PIP5K1B: variants seen among roughly 807,000 people sequenced by gnomAD.
PIP5K1B encodes phosphatidylinositol 4-phosphate 5-kinase type-1 beta.
PIP5K1B carries 42 observed loss-of-function variants against 67.0 expected under a neutral mutation model. The observed-to-expected ratio is 0.63, with a 90% CI of 0.49 to 0.81. The LOEUF is 0.81. Ranked by LOEUF, PIP5K1B falls within the 30% of genes least tolerant of loss-of-function variation. PIP5K1B has a pLI of 0.00. For missense variants in PIP5K1B, 459 were observed against 646.3 expected (o/e 0.71, Z 3.14); for synonymous variants, 214 against 231.4 (o/e 0.92, Z 0.68).
At chr9:68,954,317 T>C (rs1828261720) in intron 14 of PIP5K1B, among the ~76,000 whole-genome samples, 2 of 152,110 alleles carry the variant, frequency 1.3e-5, no homozygotes, top group African/African-American at 4.8e-5. Flanking sequence ...TTTATTGTAG[T>C]GTAGAGGGTT....
intron 5 of PIP5K1B, among the ~76,000 whole-genome samples, chr9:68,868,578 TG>T (rs1029106451): frequency 1.3e-5 from 2 of 152,208 alleles, no homozygotes; most frequent in Non-Finnish European, 2.9e-5. Context: ...AGCATGGGAA[TG>T]GTATTTCTGC....
intron 8 of PIP5K1B, among the ~76,000 whole-genome samples, chr9:68,913,428 T>A (rs1394112596): frequency 1.3e-5 from 2 of 152,232 alleles, no homozygotes; most frequent in Non-Finnish European, 2.9e-5. Flanking sequence ...CTCACACATG[T>A]TAAGTTGTTG....
intron 4 of PIP5K1B, among the ~76,000 whole-genome samples, chr9:68,854,001 A>G (rs1822634056): frequency 6.7e-6 from 1 of 149,718 alleles, no homozygotes; most frequent in Non-Finnish European, 1.5e-5. Context: ...GAAGAGAGAG[A>G]TGGCTACCAA....
intron 4 of PIP5K1B, among the ~76,000 whole-genome samples, chr9:68,855,686 C>T (rs922904648): frequency 6.6e-6 from 1 of 152,178 alleles, no homozygotes; most frequent in Admixed American, 6.5e-5. Context: ...CCCATCCTCT[C>T]GTTCATCACC....
At chr9:68,907,380 G>T in intron 8 of PIP5K1B, among the ~76,000 whole-genome samples, 1 of 152,190 alleles carries the variant, frequency 6.6e-6, no homozygotes, top group East Asian at 1.9e-4. Flanking sequence ...GTCATGTTGA[G>T]CCACTCTTGT....
In PIP5K1B at chr9:69,008,949, T is replaced by G. The variant is rs1414065294; in HGVS notation, c.*500T>G. 6.4e-6 allele frequency: 1 copy of G among 156,516 alleles called. No homozygotes were observed. The highest frequency in any genetic ancestry group is 1.4e-5 in the Non-Finnish European group (1 of 70,076). The allele number at this position is 156,516 out of a possible 1,614,324, so 9.7% of individuals were successfully genotyped here. On this transcript the variant is annotated 3_prime_UTR_variant, in exon 16 of 16. Coordinates refer to ENST00000265382, the MANE Select transcript of PIP5K1B (RefSeq NM_003558.4). ...CATTTAAAGATCAATATACTAGGTC[T>G]GCCTTCACTTTATAGAAAACTAGCT...
intron 14 of PIP5K1B, among the ~76,000 whole-genome samples, chr9:68,951,105 C>A (rs1009293637): frequency 6.6e-6 from 1 of 152,154 alleles, no homozygotes; most frequent in Non-Finnish European, 1.5e-5. Flanking sequence ...TAATATTAAT[C>A]TAAAATGGAA....
chr9:68,851,891 C>T (rs1362974773), intron 4 of PIP5K1B, among the ~76,000 whole-genome samples: 1 of 152,222 alleles, frequency 6.6e-6, no homozygotes, highest in Admixed American at 6.5e-5. Flanking sequence ...CTGAGCCAGG[C>T]CGTGTGGCTT....
At position 68,772,389 on chromosome 9, in the gene PIP5K1B, A is replaced by G. The variant is rs1045573783; in HGVS notation, c.-86+29732A>G. ...TCCTGCAGTTTATTGTATGCCAAGA[A>G]GGATGGTGACATGACAGCAGTAATT... On this transcript the variant is annotated intron_variant, in intron 2 of 15. Coordinates refer to ENST00000265382, the MANE Select transcript of PIP5K1B (RefSeq NM_003558.4). Among the ~76,000 whole-genome samples, 4 of 152,322 alleles carry G rather than the reference A, an allele frequency of 2.6e-5. No individual in the cohort carries two copies. In the South Asian group the frequency reaches 8.3e-4, roughly 32 times the overall value.
At chr9:68,919,602 C>T in intron 10 of PIP5K1B, 40 bp downstream of exon 10, 1 of 1,400,302 alleles carries the variant, frequency 7.1e-7, no homozygotes, top group Non-Finnish European at 1.0e-6. Context: ...ATTTCAAAAT[C>T]AATCTACAAA....
At chr9:68,841,686 G>A (rs1821930687) in intron 4 of PIP5K1B, among the ~76,000 whole-genome samples, 2 of 152,222 alleles carry the variant, frequency 1.3e-5, no homozygotes, top group Admixed American at 6.5e-5. Context: ...TCTGATGACA[G>A]GATTAGACAG....
intron 4 of PIP5K1B, among the ~76,000 whole-genome samples, chr9:68,831,858 G>T (rs1164394324): frequency 1.3e-5 from 2 of 151,950 alleles, no homozygotes; most frequent in African/African-American, 4.8e-5. Flanking sequence ...TTTATTTTTA[G>T]TAGAGACAGA....
intron 1 of PIP5K1B, among the ~76,000 whole-genome samples, chr9:68,729,315 A>G (rs779685908): frequency 6.6e-6 from 1 of 152,178 alleles, no homozygotes; most frequent in Non-Finnish European, 1.5e-5. Context: ...CTTGAAATAT[A>G]TAATTTTTAA....
chr9:68,732,939 AGAT>A (rs201043564), intron 1 of PIP5K1B, among the ~76,000 whole-genome samples: 4,183 of 149,654 alleles, frequency 0.028, 173 homozygotes, highest in African/African-American at 0.093. Flanking sequence ...GCGCGGTGGG[AGAT>A]GATGATGATG....
At chr9:68,907,798 G>A (rs1036672416) in intron 8 of PIP5K1B, among the ~76,000 whole-genome samples, 3 of 152,098 alleles carry the variant, frequency 2.0e-5, no homozygotes, top group Admixed American at 6.5e-5. Context: ...TAAGACCTGT[G>A]GGAGGTACAA....
chr9:68,920,428 T>C (rs1265852368), intron 11 of PIP5K1B, among the ~76,000 whole-genome samples: 1 of 125,654 alleles, frequency 8.0e-6, no homozygotes, highest in Non-Finnish European at 1.6e-5. Context: ...AGTGCAGTGG[T>C]GCAATCTCAG....
rs183005102 is a variant in PIP5K1B at position 68,764,872 on chromosome 9, T to C, written c.-86+22215T>C. ...GTAATTACCTTGATTTCCTTAGTGA[T>C]GGTTATTTAAAATACTGAAGCATTT... On this transcript the variant is annotated intron_variant, in intron 2 of 15. Transcript: ENST00000265382. Among the ~76,000 whole-genome samples the C allele has an allele frequency of 3.9e-3, 593 of 152,200 alleles. 1 individual carries two copies. The highest frequency in any genetic ancestry group is 6.5e-3 in the Non-Finnish European group (439 of 67,950).
At chr9:68,821,725 C>A (rs1833740693) in intron 3 of PIP5K1B, among the ~76,000 whole-genome samples, 1 of 152,096 alleles carries the variant, frequency 6.6e-6, no homozygotes, top group African/African-American at 2.4e-5. Flanking sequence ...AGAATTGAGT[C>A]CAAGAAAACA....
Position 68,816,131 on chromosome 9 carries a change from G to GTTTA in PIP5K1B, c.-85-2327_-85-2326insATTT, listed in dbSNP as rs1833432052. ...GTCAACACGATTTTTTTGTTTGTTT[G>GTTTA]TTTTTTGTTTTTTCGAGACAGAGTT... On this transcript the variant is annotated intron_variant, in intron 2 of 15. Coordinates refer to ENST00000265382, the MANE Select transcript of PIP5K1B (RefSeq NM_003558.4). Among the ~76,000 whole-genome samples, 5 of 152,030 alleles carry GTTTA rather than the reference G, an allele frequency of 3.3e-5. 1 individual carries two copies. Among genetic ancestry groups the GTTTA allele is most frequent in the Admixed American group, 3.3e-4 (5 of 15,252 alleles).
Sources: gnomAD v4.1 joint callset for allele counts (sites outside exome capture counted in the v4.1 genomes callset) on GRCh38, gnomAD v4.1.1 for gene constraint, MANE v1.5 for transcripts, NCBI Gene and HGNC (gene_info 2026-07-23, HGNC 2026-07-21) for gene names.